Variants in RBMS3 observed in about 807,000 individuals in gnomAD.
The protein encoded by RBMS3 is RNA binding motif single stranded interacting protein 3, also known as RNA-binding motif, single-stranded-interacting protein 3.
In RBMS3, 27 loss-of-function variants were observed where a neutral mutation model predicts 66.8. The observed-to-expected ratio is 0.40, with a 90% CI of 0.30 to 0.56. RBMS3 has a LOEUF of 0.56. Among genes scored for constraint, RBMS3 ranks in the 20% least tolerant of loss-of-function variants. RBMS3 has a pLI of 0.40. For synonymous variants in RBMS3, 188 were observed against 183.0 expected (o/e 1.03, Z -0.22); for missense variants, 513 against 549.5 (o/e 0.93, Z 0.66).
At chr3:29,786,362 A>T (rs922572829) in intron 6 of RBMS3, among the ~76,000 whole-genome samples, 10 of 152,152 alleles carry the variant, frequency 6.6e-5, no homozygotes, top group African/African-American at 2.4e-4. Flanking sequence ...ATTCATATGG[A>T]ACCAAAACAG....
intron 4 of RBMS3, among the ~76,000 whole-genome samples, chr3:29,681,516 C>CT (rs2051496128): frequency 6.6e-6 from 1 of 151,408 alleles, no homozygotes; most frequent in Non-Finnish European, 1.5e-5. Context: ...ACAATCCCCC[C>CT]AGACAGGCCC....
intron 10 of RBMS3, among the ~76,000 whole-genome samples, chr3:29,908,295 T>C (rs2060433977): frequency 6.6e-6 from 1 of 151,968 alleles, no homozygotes; most frequent in Admixed American, 6.6e-5. Flanking sequence ...CCATGTATGA[T>C]CATGATCATG....
chr3:29,746,936 T>C (rs1398006207), intron 5 of RBMS3, among the ~76,000 whole-genome samples: 1 of 152,206 alleles, frequency 6.6e-6, no homozygotes, highest in Non-Finnish European at 1.5e-5. Context: ...TATTTACCTA[T>C]ATAAAATGGA....
chr3:29,404,252 C>T (rs74689680), intron 1 of RBMS3, among the ~76,000 whole-genome samples: 4,831 of 152,086 alleles, frequency 0.032, 237 homozygotes, highest in African/African-American at 0.11. Flanking sequence ...GGGACCAATC[C>T]GTGAATCACA....
chr3:29,327,842 T>A (rs2035428316), intron 1 of RBMS3, among the ~76,000 whole-genome samples: 1 of 152,330 alleles, frequency 6.6e-6, no homozygotes, highest in African/African-American at 2.4e-5. Flanking sequence ...CCATTTCAGT[T>A]CATCAAGATT....
At chr3:29,568,229 C>A (rs956409062) in intron 3 of RBMS3, among the ~76,000 whole-genome samples, 4 of 152,094 alleles carry the variant, frequency 2.6e-5, no homozygotes, top group African/African-American at 9.7e-5. Context: ...TTAAATATAT[C>A]TCTGATGAAC....
In RBMS3 at chr3:29,892,931, C is replaced by G. The variant is rs997121531; in HGVS notation, c.792-4448C>G. Among the ~76,000 whole-genome samples, 10 of 150,912 alleles carry G rather than the reference C, an allele frequency of 6.6e-5. 1 individual carries two copies. On this transcript the variant is annotated intron_variant, in intron 8 of 14. Coordinates refer to ENST00000383767, the MANE Select transcript of RBMS3 (RefSeq NM_001003793.3). ...GACCATGGCAGGGACTGAAAAAAAGCTAAGAGATTTGGAAACACATTCTGC... is the reference window on the plus strand; with the variant it reads ...GACCATGGCAGGGACTGAAAAAAAGGTAAGAGATTTGGAAACACATTCTGC...
chr3:29,989,485 CAAGCAACTACTGTGTTGGT>C (rs1306052463), intron 13 of RBMS3, among the ~76,000 whole-genome samples: 2 of 152,164 alleles, frequency 1.3e-5, no homozygotes, highest in Admixed American at 6.5e-5. Flanking sequence ...CATTTGTTGG[CAAGCAACTACTGTGTTGGT>C]ACCACTCCAC....
chr3:29,597,135 A>G (rs2047971673), intron 4 of RBMS3, among the ~76,000 whole-genome samples: 4 of 152,206 alleles, frequency 2.6e-5, no homozygotes, highest in Admixed American at 2.6e-4. Flanking sequence ...GAAATTGGGT[A>G]TACACTTGCA....
chr3:29,887,724 C>T (rs2059905344), intron 8 of RBMS3, among the ~76,000 whole-genome samples: 1 of 151,682 alleles, frequency 6.6e-6, no homozygotes, highest in Non-Finnish European at 1.5e-5. Flanking sequence ...CTAAAACAAA[C>T]TAAGACTCAT....
At chr3:29,739,258 C>A (rs1052108752) in intron 4 of RBMS3, among the ~76,000 whole-genome samples, 1 of 151,948 alleles carries the variant, frequency 6.6e-6, no homozygotes, top group East Asian at 1.9e-4. Flanking sequence ...AGATGGAGAC[C>A]ATCCTGGCTA....
At chr3:29,547,636 G>A (rs1019430257) in intron 3 of RBMS3, among the ~76,000 whole-genome samples, 1 of 151,850 alleles carries the variant, frequency 6.6e-6, no homozygotes, top group Non-Finnish European at 1.5e-5. Context: ...ATAATTACAT[G>A]CACAAATAGC....
intron 6 of RBMS3, among the ~76,000 whole-genome samples, chr3:29,846,129 G>T (rs1559732079): frequency 6.6e-6 from 1 of 151,968 alleles, no homozygotes; most frequent in Non-Finnish European, 1.5e-5. Context: ...AACAGGAAAG[G>T]GATGTGATCT....
chr3:29,739,710 C>A lies in RBMS3; in HGVS notation c.400-10C>A. The A allele has an allele frequency of 6.3e-7, 1 of 1,575,020 alleles. No individual in the cohort carries two copies. The highest frequency in any genetic ancestry group is 8.6e-7 in the Non-Finnish European group (1 of 1,163,918). On this transcript the variant is annotated splice_polypyrimidine_tract_variant and intron_variant, in intron 4 of 14. Transcript: ENST00000383767. ...AGAACTTACCATATTTGTTACTTTC[C>A]TTCCCTTAGCAACAAGAGCAAGACC...
In RBMS3 at chr3:29,811,200, G is replaced by T. The variant is rs567295050; in HGVS notation, c.637+48211G>T. Among the ~76,000 whole-genome samples, 34 of 152,226 alleles carry T rather than the reference G, an allele frequency of 2.2e-4. No individual in the cohort carries two copies. The South Asian group carries it at 7.1e-3, about 32-fold the overall frequency. On this transcript the variant is annotated intron_variant, in intron 6 of 14. Coordinates refer to ENST00000383767, the MANE Select transcript of RBMS3 (RefSeq NM_001003793.3). Reference sequence around the variant, plus strand: ...GTGGTGTAATCTTCAGGTAATCGCTGAAGACTGGGGCTCTCCTTGGGGCTC... The same window carrying T: ...GTGGTGTAATCTTCAGGTAATCGCTTAAGACTGGGGCTCTCCTTGGGGCTC...
intron 4 of RBMS3, among the ~76,000 whole-genome samples, chr3:29,733,585 T>C (rs2054229662): frequency 6.6e-6 from 1 of 152,092 alleles, no homozygotes; most frequent in Non-Finnish European, 1.5e-5. Flanking sequence ...TGATATATCA[T>C]TGTGGTTTTG....
intron 1 of RBMS3, among the ~76,000 whole-genome samples, chr3:29,385,083 G>A (rs1400826370): frequency 6.6e-6 from 1 of 152,172 alleles, no homozygotes. Context: ...CTAAACAGTA[G>A]ATACTCTTCA....
intron 4 of RBMS3, among the ~76,000 whole-genome samples, chr3:29,658,602 A>T (rs1042446314): frequency 1.3e-5 from 2 of 152,220 alleles, no homozygotes; most frequent in Non-Finnish European, 2.9e-5. Flanking sequence ...TACTTGAGAA[A>T]TTTCCGTAAG....
At chr3:29,949,389 A>G (rs1364606931) in intron 12 of RBMS3, among the ~76,000 whole-genome samples, 1 of 151,830 alleles carries the variant, frequency 6.6e-6, no homozygotes, top group Non-Finnish European at 1.5e-5. Flanking sequence ...AGCCACGTGC[A>G]AATAAGTGAG....
Sources: allele counts gnomAD v4.1 joint callset (sites outside exome capture counted in the v4.1 genomes callset), GRCh38; gene constraint gnomAD v4.1.1; transcripts MANE v1.5; gene names NCBI Gene and HGNC (gene_info 2026-07-23, HGNC 2026-07-21).